TBC1D9: variants seen among roughly 807,000 people sequenced by gnomAD.
TBC1D9 encodes TBC1 domain family member 9A.
A neutral mutation model predicts 132.0 loss-of-function variants in TBC1D9; 63 were observed. The observed-to-expected ratio is 0.48, with a 90% confidence interval of 0.39 to 0.59. The LOEUF (loss-of-function observed/expected upper bound fraction) is 0.59, where lower values mean the gene tolerates loss of function less well. Among genes scored for constraint, TBC1D9 ranks in the 20% least tolerant of loss-of-function variants. TBC1D9 has a pLI of 0.00. For missense variants in TBC1D9, 1,261 were observed against 1,592.7 expected, an observed-to-expected ratio of 0.79 and a Z score of 3.54; for synonymous variants, 610 against 609.9, an observed-to-expected ratio of 1.00 and a Z score of 0.00.
intron 1 of TBC1D9, among the ~76,000 whole-genome samples, chr4:140,718,458 C>A (rs574427283): frequency 2.2e-4 from 34 of 152,230 alleles, no homozygotes; most frequent in Admixed American, 2.1e-3. Flanking sequence ...TATAATCCTC[C>A]ATGTAATAAT....
At chr4:140,743,644 C>T (rs1315474884) in intron 1 of TBC1D9, among the ~76,000 whole-genome samples, 4 of 152,176 alleles carry the variant, frequency 2.6e-5, no homozygotes, top group Non-Finnish European at 4.4e-5. Flanking sequence ...GCATGGGCTT[C>T]CACCTCCAAG....
chr4:140,642,550 G>A, intron 13 of TBC1D9: 1 of 1,104,208 alleles, frequency 9.1e-7, no homozygotes, highest in South Asian at 1.4e-5. Flanking sequence ...GAGGGAGAGG[G>A]CCTTTGTCGA....
chr4:140,684,926 T>C (rs1420480135), intron 3 of TBC1D9, among the ~76,000 whole-genome samples: 2 of 151,954 alleles, frequency 1.3e-5, no homozygotes, highest in African/African-American at 4.8e-5. Context: ...ACCAAAATAA[T>C]TAAGTCCAGT....
intron 1 of TBC1D9, among the ~76,000 whole-genome samples, chr4:140,742,709 C>T (rs1738778749): frequency 6.6e-6 from 1 of 152,066 alleles, no homozygotes; most frequent in Non-Finnish European, 1.5e-5. Flanking sequence ...ACTATACATA[C>T]ACACACTCCC....
chr4:140,659,012 A>C (rs1737316573), intron 11 of TBC1D9, among the ~76,000 whole-genome samples: 1 of 152,210 alleles, frequency 6.6e-6, no homozygotes, highest in Admixed American at 6.5e-5. Flanking sequence ...TGAGAAGCAT[A>C]AACAATATAC....
intron 1 of TBC1D9, among the ~76,000 whole-genome samples, chr4:140,742,970 T>C (rs557076312): frequency 7.9e-4 from 113 of 143,350 alleles, no homozygotes; most frequent in Non-Finnish European, 1.5e-3. Flanking sequence ...ACATACAGTA[T>C]CAGGAAGGGA....
rs757262845 is a variant in TBC1D9, at chr4:140,668,914, T to C, written c.1588+3A>G. On this transcript the variant is annotated splice_donor_region_variant and intron_variant, in intron 9 of 20. Coordinates refer to ENST00000442267, the MANE Select transcript of TBC1D9 (RefSeq NM_015130.3). ...GCCAGCATTCCCAGCCCAGCGGCCG[T>C]ACCTGACAGCAGCAGCCAGAGCTCC... is the stretch of plus-strand genomic sequence containing the variant. 1.9e-6 allele frequency: 3 copies of C among 1,613,670 alleles called. No homozygotes were observed. Among genetic ancestry groups the C allele is most frequent in the Non-Finnish European group, 2.5e-6 (3 of 1,179,806 alleles).
chr4:140,705,779 C>A (rs992698742), intron 1 of TBC1D9, among the ~76,000 whole-genome samples: 12 of 152,108 alleles, frequency 7.9e-5, no homozygotes, highest in Non-Finnish European at 1.3e-4. Flanking sequence ...AAATACTGAA[C>A]CTTTTCTTCA....
intron 15 of TBC1D9, among the ~76,000 whole-genome samples, chr4:140,635,185 A>G (rs1291557576): frequency 6.6e-6 from 1 of 152,216 alleles, no homozygotes; most frequent in Non-Finnish European, 1.5e-5. Context: ...AATAGAAAAA[A>G]AAAACACCTT....
At chr4:140,726,319 A>T (rs531031035) in intron 1 of TBC1D9, among the ~76,000 whole-genome samples, 25 of 152,308 alleles carry the variant, frequency 1.6e-4, no homozygotes, top group African/African-American at 6.0e-4. Flanking sequence ...AATTTTAAAA[A>T]GTATATTTGT....
intron 1 of TBC1D9, among the ~76,000 whole-genome samples, chr4:140,743,467 T>A (rs953548548): frequency 2.0e-5 from 3 of 152,220 alleles, no homozygotes; most frequent in Admixed American, 6.5e-5. Context: ...AAATCACATG[T>A]CCAACAGGTG....
intron 1 of TBC1D9, among the ~76,000 whole-genome samples, chr4:140,730,444 C>T (rs1446729679): frequency 6.6e-6 from 1 of 152,180 alleles, no homozygotes; most frequent in African/African-American, 2.4e-5. Flanking sequence ...AGGACATGGG[C>T]CGGGCATGGT....
At chr4:140,745,778 C>A (rs1006592492) in intron 1 of TBC1D9, among the ~76,000 whole-genome samples, 4 of 151,946 alleles carry the variant, frequency 2.6e-5, no homozygotes, top group Non-Finnish European at 4.4e-5. Flanking sequence ...CATCCCTAAC[C>A]CCCTGTGTAT....
Position 140,657,106 on chromosome 4 carries a change from A to C in TBC1D9, c.2328T>G (p.Thr776=), listed in dbSNP as rs573648382. ...AGGAGACAAGACCTACCTCGTAGGAAGTTCTGATGAGTCTAAAGATGTCTA... is the reference window on the plus strand; with the variant it reads ...AGGAGACAAGACCTACCTCGTAGGACGTTCTGATGAGTCTAAAGATGTCTA... The part of the protein sequence containing the change: ...PEVDIFRLIR[T]SYEKFGTIRA... Residue 776 remains threonine, a synonymous_variant, in exon 13 of 21, where the codon ACT becomes ACG. Transcript: ENST00000442267. 1.4e-5 allele frequency: 23 copies of C among 1,613,608 alleles called. No homozygotes were observed. In the South Asian group the frequency reaches 2.3e-4, roughly 16 times the overall value.
intron 10 of TBC1D9, among the ~76,000 whole-genome samples, chr4:140,660,271 T>C (rs897938848): frequency 6.6e-6 from 1 of 152,194 alleles, no homozygotes; most frequent in Non-Finnish European, 1.5e-5. Context: ...CTGTAGTTTA[T>C]TAAAAGATAT....
intron 3 of TBC1D9, among the ~76,000 whole-genome samples, chr4:140,682,842 A>G (rs1560884334): frequency 6.6e-6 from 1 of 152,212 alleles, no homozygotes; most frequent in Non-Finnish European, 1.5e-5. Flanking sequence ...TATGCTATCT[A>G]AAGATCTATT....
chr4:140,622,133 CAGA>C lies in TBC1D9; in HGVS notation c.*59_*61del, dbSNP rs1236069949. The C allele has an allele frequency of 5.3e-6, 8 of 1,503,548 alleles. No individual in the cohort carries two copies. The highest frequency in any genetic ancestry group is 4.2e-5 in the African/African-American group (3 of 71,628). The allele number at this position is 1,503,548 out of a possible 1,614,324, so 93.1% of individuals were successfully genotyped here. Reference sequence around the variant, plus strand: ...AAAGAAAGAAAGAAAAAACTCAACACAGAAGAACATAAAAAATCCCTCCCCTCC... The same window carrying C: ...AAAGAAAGAAAGAAAAAACTCAACACAGAACATAAAAAATCCCTCCCCTCC... On this transcript the variant is annotated 3_prime_UTR_variant, in exon 21 of 21. Transcript: ENST00000442267.
At chr4:140,755,472 C>T (rs1417080736) in intron 1 of TBC1D9, among the ~76,000 whole-genome samples, 1 of 152,174 alleles carries the variant, frequency 6.6e-6, no homozygotes, top group African/African-American at 2.4e-5. Flanking sequence ...TTACTTATCG[C>T]TTCCCTGGAA....
At chr4:140,653,576 A>T (rs535273860) in intron 13 of TBC1D9, among the ~76,000 whole-genome samples, 2 of 152,316 alleles carry the variant, frequency 1.3e-5, no homozygotes, top group Admixed American at 6.5e-5. Flanking sequence ...TAAAAAAAAA[A>T]TTAAGTGATG....
Sources: allele counts gnomAD v4.1 joint callset (sites outside exome capture counted in the v4.1 genomes callset), GRCh38; gene constraint gnomAD v4.1.1; transcripts MANE v1.5; gene names NCBI Gene and HGNC (gene_info 2026-07-23, HGNC 2026-07-21).